The following ZNF124 variants were observed in gnomAD, a reference collection of about 807,000 sequenced individuals.
ZNF124 encodes zinc finger protein HZF-16.
Under a neutral mutation model 26.6 loss-of-function variants are expected in ZNF124, and 25 were observed. That is an observed-to-expected ratio of 0.94 (90% CI 0.68 to 1.31). The LOEUF (loss-of-function observed/expected upper bound fraction) is 1.31, where lower values mean the gene tolerates loss of function less well. Ranked by LOEUF, ZNF124 falls within the 40% of genes most tolerant of loss-of-function variation. ZNF124 has a pLI of 0.00. For synonymous variants in ZNF124, 129 were observed against 133.3 expected, an observed-to-expected ratio of 0.97 and a Z score of 0.22; for missense variants, 444 against 422.2, an observed-to-expected ratio of 1.05 and a Z score of -0.45.
intron 1 of ZNF124, among the ~76,000 whole-genome samples, chr1:247,165,893 A>G (rs1004569771): frequency 2.0e-5 from 3 of 152,146 alleles, no homozygotes; most frequent in African/African-American, 7.2e-5. Flanking sequence ...AACTCAAAAA[A>G]TAGCCTGGGC....
chr1:247,167,663 G>A (rs1227071717), intron 1 of ZNF124, among the ~76,000 whole-genome samples: 1 of 152,128 alleles, frequency 6.6e-6, no homozygotes, highest in Admixed American at 6.5e-5. Context: ...CTTGGGCAAA[G>A]AACTCATGAC....
intron 3 of ZNF124, among the ~76,000 whole-genome samples, chr1:247,139,099 C>T (rs1322147871): frequency 1.3e-5 from 2 of 152,202 alleles, no homozygotes; most frequent in East Asian, 3.8e-4. Flanking sequence ...ATTGATGTCT[C>T]ATGTCTCCCT....
At chr1:247,151,350 G>A (rs1393751313), downstream of ZNF124, among the ~76,000 whole-genome samples, 1 of 152,024 alleles carries the variant, frequency 6.6e-6, no homozygotes, top group Non-Finnish European at 1.5e-5. Flanking sequence ...GTGGTGGCGG[G>A]CGCCTGTAGT....
chr1:247,125,545 C>A (rs1481112295), intron 3 of ZNF124, among the ~76,000 whole-genome samples: 1 of 145,702 alleles, frequency 6.9e-6, no homozygotes, highest in Non-Finnish European at 1.5e-5. Context: ...GATTCTCCTG[C>A]CTCAGCATCC....
chr1:247,156,673 G>T lies in ZNF124; in HGVS notation c.949C>A (p.Pro317Thr). The T allele has an allele frequency of 5.0e-6, 8 of 1,613,240 alleles. No homozygotes were observed. The highest frequency in any genetic ancestry group is 2.2e-5 in the East Asian group (1 of 44,884). ...DHERTHTGEK[P>T]YECQKCGKAF... ...TTGCCACATTTCTGACATTCATAGG[G>T]TTTCTCTCCAGTATGAGTCCTTTCA... Residue 317 changes from proline to threonine, a missense_variant, in exon 4 of 4, where the codon CCC becomes ACC. By Grantham distance (38) the Pro-to-Thr change is conservative. Coordinates refer to ENST00000543802, the MANE Select transcript of ZNF124 (RefSeq NM_001297568.2).
chr1:247,161,677 A>G (rs1164831448), intron 1 of ZNF124, among the ~76,000 whole-genome samples: 6 of 152,112 alleles, frequency 3.9e-5, no homozygotes, highest in Non-Finnish European at 8.8e-5. Flanking sequence ...AGCAAAAGAT[A>G]CATAACAAGA....
Position 247,155,814 on chromosome 1 carries a change from T to C in ZNF124, c.*752A>G. On this transcript the variant is annotated 3_prime_UTR_variant, in exon 4 of 4. Transcript: ENST00000543802. ...AGGCAGAGCTTACAGTGAACTGAGA[T>C]TGTGCCACTGCACACCAGCCTGGGC... The C allele has an allele frequency of 1.8e-6, 1 of 548,406 alleles. No homozygotes were observed. The highest frequency in any genetic ancestry group is 2.1e-5 in the African/African-American group (1 of 48,062). 34.0% of individuals were successfully genotyped at this position (548,406 alleles called of 1,614,324 possible). A position where few individuals can be genotyped will look rare whatever the true frequency, so the allele number is the denominator to read the frequency against.
At chr1:247,127,596 C>CGTCA (rs1672238399) in intron 3 of ZNF124, among the ~76,000 whole-genome samples, 1 of 143,518 alleles carries the variant, frequency 7.0e-6, no homozygotes, top group South Asian at 2.2e-4. Flanking sequence ...GACCCTTGAC[C>CGTCA]TGACCGGTTG....
At chr1:247,143,157 T>A (rs1672671239) in intron 3 of ZNF124, among the ~76,000 whole-genome samples, 1 of 152,136 alleles carries the variant, frequency 6.6e-6, no homozygotes, top group South Asian at 2.1e-4. Flanking sequence ...AGTTTATAAT[T>A]CCAGTAAATG....
At chr1:247,170,234 A>G (rs541281559) in intron 1 of ZNF124, among the ~76,000 whole-genome samples, 2 of 148,132 alleles carry the variant, frequency 1.4e-5, no homozygotes, top group East Asian at 2.0e-4. Context: ...TTCACAAGGA[A>G]TGTTCAGAAA....
At chr1:247,170,684 C>T (rs1401411406) in intron 1 of ZNF124, among the ~76,000 whole-genome samples, 1 of 143,402 alleles carries the variant, frequency 7.0e-6, no homozygotes, top group Admixed American at 6.7e-5. Flanking sequence ...GCTTACAACT[C>T]TAAGGGGGTC....
chr1:247,157,053 G>C lies in ZNF124; in HGVS notation c.569C>G (p.Ser190Cys), dbSNP rs555866972. The change falls in exon 4 of 4, where the codon TCC becomes TGC. Residue 190 changes from serine (S) to cysteine (C), a missense_variant. Coordinates refer to ENST00000543802, the MANE Select transcript of ZNF124 (RefSeq NM_001297568.2). ...CKQCGKAFSR[S>C]SHLRDHERTH... ...TCTTTCATGGTCACGAAGGTGACTG[G>C]AACGACTGAAGGCTTTCCCACATTG... 1.2e-6 allele frequency: 2 copies of C among 1,613,922 alleles called. No homozygotes were observed. The highest frequency in any genetic ancestry group is 4.5e-5 in the East Asian group (2 of 44,852).
chr1:247,156,587 G>C lies in ZNF124; in HGVS notation c.1035C>G (p.Pro345=). 1 of 1,544,154 alleles carries C rather than the reference G, an allele frequency of 6.5e-7. No individual in the cohort carries two copies. The highest frequency in any genetic ancestry group is 8.7e-7 in the Non-Finnish European group (1 of 1,152,258). ...KHKKTHTGEK[P]YKCKKM is the part of the protein sequence containing the mutation. Reference sequence around the variant, plus strand: ...GCCTTTACATTTTTTTACATTTATAGGGCTTTTCTCCAGTATGAGTTTTTT... The same window carrying C: ...GCCTTTACATTTTTTTACATTTATACGGCTTTTCTCCAGTATGAGTTTTTT... The change falls in exon 4 of 4, where the codon CCC becomes CCG. Residue 345 remains proline (P), a synonymous_variant. Transcript: ENST00000543802.
At chr1:247,139,343 T>C (rs917772515) in intron 3 of ZNF124, among the ~76,000 whole-genome samples, 5 of 152,282 alleles carry the variant, frequency 3.3e-5, no homozygotes, top group African/African-American at 1.2e-4. Flanking sequence ...CCTGCTTTTC[T>C]GTTTTCCATT....
Position 247,157,361 on chromosome 1 carries a change from C to CATGG in ZNF124, c.260_261insCCAT (p.Glu87AspfsTer12). ...ATGTACATGGCTTCTTTCCGCATTC[C>CATGG]TCACACCCATATGGGTTGTTTCCAG... On this transcript the variant is annotated frameshift_variant, in exon 4 of 4. Transcript: ENST00000543802. LOFTEE classifies it high-confidence loss of function. The CATGG allele has an allele frequency of 6.4e-7, 1 of 1,554,558 alleles. No homozygotes were observed.
rs1342430076 is a variant in ZNF124 at position 247,168,255 on chromosome 1, G to A, written c.30+3593C>T. Among the ~76,000 whole-genome samples the A allele has an allele frequency of 3.3e-5, 5 of 152,358 alleles. No individual in the cohort carries two copies. Among genetic ancestry groups the A allele is most frequent in the Admixed American group, 6.5e-5 (1 of 15,308 alleles). On this transcript the variant is annotated intron_variant, in intron 1 of 3. Coordinates refer to ENST00000543802, the MANE Select transcript of ZNF124 (RefSeq NM_001297568.2). The surrounding 1 kb of genome is among the most constrained non-coding windows in gnomAD (Gnocchi z 4.0). The stretch of plus-strand genomic sequence containing the variant: ...TTATATGAAAAAAACACGGCTGGGC[G>A]TGGTGGCTCATGCCTGCAATCCCAG...
At chr1:247,146,633 T>C (rs1182794857) in intron 3 of ZNF124, among the ~76,000 whole-genome samples, 3 of 152,234 alleles carry the variant, frequency 2.0e-5, no homozygotes, top group Admixed American at 6.5e-5. Context: ...GCTGGAAGAA[T>C]TAAGCAATGA....
chr1:247,164,404 A>C (rs182973101), intron 1 of ZNF124, among the ~76,000 whole-genome samples: 14 of 152,368 alleles, frequency 9.2e-5, no homozygotes, highest in Admixed American at 6.5e-4. Context: ...ACTTTAGCAC[A>C]GTTTCAGGAC....
At chr1:247,167,900 A>G (rs576730997) in intron 1 of ZNF124, among the ~76,000 whole-genome samples, 35 of 152,264 alleles carry the variant, frequency 2.3e-4, no homozygotes, top group Middle Eastern at 3.2e-3. Context: ...GGCAAAGGAC[A>G]TGAATAGTTC....
Sources: allele counts gnomAD v4.1 joint callset (sites outside exome capture counted in the v4.1 genomes callset), GRCh38; gene constraint gnomAD v4.1.1; non-coding constraint Gnocchi (gnomAD v3.1); transcripts MANE v1.5; gene names NCBI Gene and HGNC (gene_info 2026-07-23, HGNC 2026-07-21).